EMID1: variants seen among roughly 807,000 people sequenced by gnomAD.
EMID1 encodes the protein EMI domain containing 1, also known as EMI domain-containing protein 1.
In EMID1, 40 loss-of-function variants were observed where a neutral mutation model predicts 60.6. The ratio of observed to expected loss-of-function variants is 0.66; its 90% confidence interval spans 0.51 to 0.86. EMID1 has a LOEUF of 0.86. EMID1 is among the 40% of genes least tolerant of loss of function. The pLI, the probability that EMID1 is intolerant of heterozygous loss-of-function variation, is 0.00. For synonymous variants in EMID1, 242 were observed against 231.0 expected (o/e 1.05, Z -0.43); for missense variants, 585 against 597.1 (o/e 0.98, Z 0.21).
At chr22:29,236,937 C>T (rs1453375835) in intron 12 of EMID1, among the ~76,000 whole-genome samples, 8 of 151,568 alleles carry the variant, frequency 5.3e-5, no homozygotes, top group Non-Finnish European at 7.4e-5. Context: ...GCTGGGACTA[C>T]AGGCGCCCAC....
rs192978821 is a variant in EMID1, at chr22:29,254,307, C to G, written c.1204+20C>G. ...TCTATGGTGAGTAGAGACAGACAGA[C>G]GGACAGACGGCCCAGCCCCTGCCTG... On this transcript the variant is annotated intron_variant, in intron 14 of 14. Transcript: ENST00000334018. 5.0e-6 allele frequency: 8 copies of G among 1,608,980 alleles called. No individual in the cohort carries two copies. The Admixed American group carries it at 1.3e-4, about 27-fold the overall frequency.
intron 3 of EMID1, among the ~76,000 whole-genome samples, chr22:29,217,012 G>C (rs112521948): frequency 6.6e-6 from 1 of 152,220 alleles, no homozygotes; most frequent in Non-Finnish European, 1.5e-5. Flanking sequence ...GGCAGGTGGG[G>C]CCGAGGGGCA....
chr22:29,250,566 T>TC (rs944922317), intron 13 of EMID1, among the ~76,000 whole-genome samples: 3 of 150,766 alleles, frequency 2.0e-5, no homozygotes, highest in African/African-American at 7.3e-5. Context: ...TTTATCTTTT[T>TC]TTTTTCTTTT....
At chr22:29,213,384 C>T (rs2146128422) in intron 1 of EMID1, among the ~76,000 whole-genome samples, 1 of 152,322 alleles carries the variant, frequency 6.6e-6, no homozygotes, top group East Asian at 1.9e-4. Context: ...GCTTCATGGG[C>T]CAAACTGAAC....
intron 13 of EMID1, among the ~76,000 whole-genome samples, chr22:29,252,175 G>A (rs1013021382): frequency 2.0e-5 from 3 of 152,144 alleles, no homozygotes; most frequent in East Asian, 3.9e-4. Flanking sequence ...CATGCAGCTC[G>A]TGGTGACCCT....
chr22:29,244,647 AAAAAG>A (rs953238158), intron 13 of EMID1, among the ~76,000 whole-genome samples: 23 of 151,146 alleles, frequency 1.5e-4, no homozygotes, highest in African/African-American at 2.7e-4. Context: ...TCAAAAAAAA[AAAAAG>A]AAAAGAAAAG....
Position 29,256,456 on chromosome 22 carries a change from T to TC in EMID1, c.1204+2171dup, listed in dbSNP as rs2041710073. 6.1e-5 allele frequency among the ~76,000 whole-genome samples: 7 copies of TC among 114,866 alleles called. 1 individual carries two copies. In the South Asian group the frequency reaches 2.0e-3, roughly 33 times the overall value. 75.4% of individuals were successfully genotyped at this position (114,866 alleles called of 152,430 possible). A position where few individuals can be genotyped will look rare whatever the true frequency, so the allele number is the denominator to read the frequency against. Reference sequence around the variant, plus strand: ...TCCAGCCTGGGTGACAGAGCGAGACTCCATCTCAAAAAAAAAAAAAAAAAA... The same window carrying TC: ...TCCAGCCTGGGTGACAGAGCGAGACTCCCATCTCAAAAAAAAAAAAAAAAAA... On this transcript the variant is annotated intron_variant, in intron 14 of 14. Transcript: ENST00000334018.
chr22:29,249,710 G>A (rs1008976222), intron 13 of EMID1, among the ~76,000 whole-genome samples: 8 of 152,058 alleles, frequency 5.3e-5, no homozygotes, highest in Middle Eastern at 6.8e-3. Flanking sequence ...TGCCTCCTGG[G>A]TTTAAGCGAT....
chr22:29,212,961 T>C (rs1275089771), intron 1 of EMID1, among the ~76,000 whole-genome samples: 3 of 152,212 alleles, frequency 2.0e-5, no homozygotes, highest in Non-Finnish European at 4.4e-5. Flanking sequence ...ATGATAAACA[T>C]AGCTACTGTT....
chr22:29,232,681 G>T (rs16987293), intron 8 of EMID1: 6 of 394,914 alleles, frequency 1.5e-5, no homozygotes, highest in Non-Finnish European at 2.7e-5. Flanking sequence ...TAGAGCCACC[G>T]GGCATCAGGC....
intron 1 of EMID1, among the ~76,000 whole-genome samples, chr22:29,209,088 T>C (rs776827078): frequency 1.9e-4 from 29 of 152,218 alleles, no homozygotes; most frequent in Non-Finnish European, 2.9e-4. Flanking sequence ...TCTTCTCCTT[T>C]TCATCACAGC....
chr22:29,241,638 C>A (rs1328617295), intron 12 of EMID1, among the ~76,000 whole-genome samples: 1 of 152,182 alleles, frequency 6.6e-6, no homozygotes, highest in Non-Finnish European at 1.5e-5. Flanking sequence ...ATCCGCCCGC[C>A]TCAGCCTCCC....
In EMID1 at chr22:29,231,683, G is replaced by A; in HGVS notation, c.676+1G>A. The A allele has an allele frequency of 6.9e-7, 1 of 1,459,486 alleles. No homozygotes were observed. The highest frequency in any genetic ancestry group is 1.5e-5 in the South Asian group (1 of 68,862). 90.4% of individuals were successfully genotyped at this position (1,459,486 alleles called of 1,614,324 possible). On this transcript the variant is annotated splice_donor_variant, in intron 7 of 14. Transcript: ENST00000334018. LOFTEE classifies it high-confidence loss of function. Reference sequence around the variant, plus strand: ...CCAATGGGGATGAGAGGCCCACCAGGTGAGTGCCCGCAATGCTGCCCCACA... The same window carrying A: ...CCAATGGGGATGAGAGGCCCACCAGATGAGTGCCCGCAATGCTGCCCCACA...
intron 14 of EMID1, among the ~76,000 whole-genome samples, chr22:29,256,080 G>A: frequency 6.6e-6 from 1 of 152,142 alleles, no homozygotes; most frequent in Non-Finnish European, 1.5e-5. Context: ...CCGAGGGGCT[G>A]AGCTCTATTC....
In EMID1 at chr22:29,229,107, C is replaced by T. The variant is rs536970930; in HGVS notation, c.466-1913C>T. Among the ~76,000 whole-genome samples, 114 of 150,736 alleles carry T rather than the reference C, an allele frequency of 7.6e-4. 1 individual carries two copies. Among genetic ancestry groups the T allele is most frequent in the South Asian group, 1.7e-3 (8 of 4,724 alleles). ...CTGTAATCCCAGCACTTTGGAAGGC[C>T]GAAGCAGGAGGATTGCTTGAGGCCT... is the stretch of plus-strand genomic sequence containing the variant. On this transcript the variant is annotated intron_variant, in intron 5 of 14. Coordinates refer to ENST00000334018, the MANE Select transcript of EMID1 (RefSeq NM_133455.4).
At chr22:29,243,827 C>T (rs1431017352) in intron 13 of EMID1, among the ~76,000 whole-genome samples, 1 of 152,232 alleles carries the variant, frequency 6.6e-6, no homozygotes, top group Non-Finnish European at 1.5e-5. Flanking sequence ...GACTGCATCC[C>T]CTGCCTCCAT....
intron 2 of EMID1, 96 bp downstream of exon 2, chr22:29,215,135 G>T: frequency 6.9e-7 from 1 of 1,440,394 alleles, no homozygotes. Context: ...TGTGGGGGAA[G>T]ACTGGACCCC....
intron 14 of EMID1, chr22:29,255,224 C>T (rs2041660260): frequency 7.8e-7 from 1 of 1,284,562 alleles, no homozygotes; most frequent in African/African-American, 1.5e-5. Flanking sequence ...CAGCCCAGCC[C>T]TCGGAGGCCA....
chr22:29,241,292 G>T (rs12157608), intron 12 of EMID1, among the ~76,000 whole-genome samples: 1,728 of 152,276 alleles, frequency 0.011, 27 homozygotes, highest in African/African-American at 0.039. Context: ...GCAATCGTTT[G>T]CCTATGGTCT....
Sources: allele counts gnomAD v4.1 joint callset (sites outside exome capture counted in the v4.1 genomes callset), GRCh38; gene constraint gnomAD v4.1.1; transcripts MANE v1.5; gene names NCBI Gene and HGNC (gene_info 2026-07-23, HGNC 2026-07-21).